The following CNTNAP2 variants were observed in gnomAD, a reference collection of about 807,000 sequenced individuals.
CNTNAP2 encodes contactin associated protein 2.
A neutral mutation model predicts 155.2 loss-of-function variants in CNTNAP2; 98 were observed. The ratio of observed to expected loss-of-function variants is 0.63; its 90% confidence interval spans 0.54 to 0.75. The LOEUF is 0.75. Among genes scored for constraint, CNTNAP2 ranks in the 30% least tolerant of loss-of-function variants. The pLI is 0.00. For synonymous variants in CNTNAP2, 651 were observed against 631.2 expected (o/e 1.03, Z -0.47); for missense variants, 1,727 against 1,688.1 (o/e 1.02, Z -0.40).
At chr7:146,206,947 A>G (rs1353129061) in intron 1 of CNTNAP2, among the ~76,000 whole-genome samples, 7 of 151,968 alleles carry the variant, frequency 4.6e-5, no homozygotes, top group Admixed American at 4.6e-4. Context: ...TTTTGCAGCA[A>G]TTTTTATTGA....
At chr7:148,050,226 G>GC (rs1180167924) in intron 15 of CNTNAP2, among the ~76,000 whole-genome samples, 1 of 152,176 alleles carries the variant, frequency 6.6e-6, no homozygotes, top group Non-Finnish European at 1.5e-5. Context: ...CCAGAAGAAG[G>GC]CATTGTTACC....
intron 8 of CNTNAP2, among the ~76,000 whole-genome samples, chr7:147,136,684 A>G (rs1434783974): frequency 6.6e-6 from 1 of 151,954 alleles, no homozygotes; most frequent in African/African-American, 2.4e-5. Context: ...GAACACTTGG[A>G]AATGTAGCCA....
At chr7:148,140,890 T>C (rs1394532012) in intron 16 of CNTNAP2, among the ~76,000 whole-genome samples, 1 of 152,386 alleles carries the variant, frequency 6.6e-6, no homozygotes, top group African/African-American at 2.4e-5. Flanking sequence ...GCCAGACCTC[T>C]TGAGGGCAAG....
intron 1 of CNTNAP2, among the ~76,000 whole-genome samples, chr7:146,598,267 C>G (rs1798893518): frequency 6.6e-6 from 1 of 152,076 alleles, no homozygotes; most frequent in Non-Finnish European, 1.5e-5. Flanking sequence ...TTTTACCTTT[C>G]TACTCTATCA....
chr7:147,378,606 A>G (rs1796481353), intron 9 of CNTNAP2, among the ~76,000 whole-genome samples: 2 of 152,090 alleles, frequency 1.3e-5, no homozygotes, highest in African/African-American at 4.8e-5. Context: ...AAGGCTGGGA[A>G]GGATAGTGGG....
intron 21 of CNTNAP2, among the ~76,000 whole-genome samples, chr7:148,347,392 A>G (rs1798346474): frequency 6.6e-6 from 1 of 152,242 alleles, no homozygotes; most frequent in African/African-American, 2.4e-5. Flanking sequence ...AGTTACTTGG[A>G]AAGCAGATGG....
At chr7:146,898,709 C>G (rs1332354336) in intron 3 of CNTNAP2, among the ~76,000 whole-genome samples, 1 of 152,084 alleles carries the variant, frequency 6.6e-6, no homozygotes, top group Non-Finnish European at 1.5e-5. Context: ...AGAGTCCTCA[C>G]AGTCTTCATG....
chr7:147,903,818 A>G, intron 14 of CNTNAP2, 97 bp downstream of exon 14: 1 of 1,425,664 alleles, frequency 7.0e-7, no homozygotes, highest in Non-Finnish European at 9.6e-7. Context: ...TGCTATAATA[A>G]TACGATAATA....
intron 3 of CNTNAP2, among the ~76,000 whole-genome samples, chr7:146,943,494 A>G (rs1797097397): frequency 6.6e-6 from 1 of 152,220 alleles, no homozygotes; most frequent in African/African-American, 2.4e-5. Context: ...TCTGTCTCAA[A>G]CAAACAAAGC....
intron 13 of CNTNAP2, among the ~76,000 whole-genome samples, chr7:147,875,299 A>G (rs2710122): frequency 0.44 from 67,649 of 152,022 alleles, 15,141 homozygotes; most frequent in Middle Eastern, 0.53. Context: ...CCTCACAATC[A>G]CAGTGGAAGG....
chr7:146,210,814 G>A (rs1442800061), intron 1 of CNTNAP2, among the ~76,000 whole-genome samples: 1 of 151,506 alleles, frequency 6.6e-6, no homozygotes, highest in East Asian at 1.9e-4. Context: ...TGGGTTGTCG[G>A]GTAAGACAGA....
intron 3 of CNTNAP2, among the ~76,000 whole-genome samples, chr7:146,922,293 C>A (rs1258069715): frequency 6.7e-6 from 1 of 150,202 alleles, no homozygotes; most frequent in East Asian, 1.9e-4. Context: ...TCAGCCTTTT[C>A]AGTTTTCTCT....
chr7:146,877,060 T>A (rs1795443586), intron 3 of CNTNAP2, among the ~76,000 whole-genome samples: 1 of 152,182 alleles, frequency 6.6e-6, no homozygotes, highest in South Asian at 2.1e-4. Flanking sequence ...TTATTTTGAC[T>A]ATAGATATCA....
intron 20 of CNTNAP2, among the ~76,000 whole-genome samples, chr7:148,235,982 GC>G (rs36039732): frequency 0.12 from 17,857 of 152,052 alleles, 1,766 homozygotes; most frequent in East Asian, 0.44. Context: ...ACCGCGCCTG[GC>G]TACAGCTGTG....
chr7:148,070,445 C>A (rs1229529776), intron 15 of CNTNAP2, among the ~76,000 whole-genome samples: 1 of 152,182 alleles, frequency 6.6e-6, no homozygotes, highest in Non-Finnish European at 1.5e-5. Flanking sequence ...GGGCTGGGCA[C>A]CGTGGCTCAT....
chr7:148,380,893 C>T (rs2116653049), intron 21 of CNTNAP2, among the ~76,000 whole-genome samples: 1 of 152,338 alleles, frequency 6.6e-6, no homozygotes, highest in Non-Finnish European at 1.5e-5. Flanking sequence ...CCCTCAATTA[C>T]CCAGCCCACA....
intron 4 of CNTNAP2, among the ~76,000 whole-genome samples, chr7:147,061,049 A>G (rs1799660262): frequency 7.4e-6 from 1 of 135,624 alleles, no homozygotes; most frequent in Non-Finnish European, 1.5e-5. Flanking sequence ...TGTATGATTC[A>G]ACTTATATAA....
intron 2 of CNTNAP2, among the ~76,000 whole-genome samples, chr7:146,819,941 A>G (rs1197715400): frequency 6.6e-6 from 1 of 152,008 alleles, no homozygotes; most frequent in Non-Finnish European, 1.5e-5. Flanking sequence ...CTCACTCACT[A>G]TTTTTACTTT....
chr7:147,300,731 T>A (rs182831631), intron 9 of CNTNAP2, among the ~76,000 whole-genome samples: 1 of 152,186 alleles, frequency 6.6e-6, no homozygotes, highest in Non-Finnish European at 1.5e-5. Context: ...GTCAAACTGT[T>A]ACTTGTGGCT....
Sources: gnomAD v4.1 joint callset for allele counts (sites outside exome capture counted in the v4.1 genomes callset) on GRCh38, gnomAD v4.1.1 for gene constraint, MANE v1.5 for transcripts, NCBI Gene and HGNC (gene_info 2026-07-23, HGNC 2026-07-21) for gene names.